ZNF385D: variants seen among roughly 807,000 people sequenced by gnomAD.
The protein encoded by ZNF385D is zinc finger protein 659.
Under a neutral mutation model 35.8 loss-of-function variants are expected in ZNF385D, and 15 were observed. The ratio of observed to expected loss-of-function variants is 0.42; its 90% confidence interval spans 0.28 to 0.64. The LOEUF is 0.64. ZNF385D is among the 30% of genes least tolerant of loss of function. ZNF385D has a pLI of 0.23. For synonymous variants in ZNF385D, 212 were observed against 186.8 expected, an observed-to-expected ratio of 1.13 and a Z score of -1.10; for missense variants, 474 against 494.6, an observed-to-expected ratio of 0.96 and a Z score of 0.39.
chr3:22,208,191 T>C (rs560214057), intron 2 of ZNF385D, among the ~76,000 whole-genome samples: 1 of 152,066 alleles, frequency 6.6e-6, no homozygotes, highest in East Asian at 1.9e-4. Flanking sequence ...ACAATCTAAG[T>C]GTCCATCAAG....
intron 2 of ZNF385D, among the ~76,000 whole-genome samples, chr3:21,634,231 A>AGGAAGGGAGAGC (rs1390947599): frequency 6.7e-6 from 1 of 150,300 alleles, no homozygotes; most frequent in Non-Finnish European, 1.5e-5. Context: ...AGAGAAAGAG[A>AGGAAGGGAGAGC]GGAAGGGAGA....
intron 2 of ZNF385D, among the ~76,000 whole-genome samples, chr3:21,657,539 A>G: frequency 6.6e-6 from 1 of 151,954 alleles, no homozygotes; most frequent in Admixed American, 6.6e-5. Context: ...AGCTTGTGTT[A>G]TACAAATATG....
chr3:21,993,593 G>A (rs1695280932), intron 3 of ZNF385D, among the ~76,000 whole-genome samples: 1 of 152,028 alleles, frequency 6.6e-6, no homozygotes, highest in African/African-American at 2.4e-5. Flanking sequence ...AGTTGATTAG[G>A]TACTTTGGAA....
At chr3:22,090,893 G>C (rs116103601) in intron 3 of ZNF385D, among the ~76,000 whole-genome samples, 13 of 152,196 alleles carry the variant, frequency 8.5e-5, no homozygotes, top group African/African-American at 2.6e-4. Flanking sequence ...TGCCTTGTTA[G>C]GGTCTTATGA....
At chr3:21,449,934 G>A (rs977120704) in intron 4 of ZNF385D, among the ~76,000 whole-genome samples, 3 of 152,154 alleles carry the variant, frequency 2.0e-5, no homozygotes, top group Admixed American at 6.6e-5. Context: ...GTTGCCAAGC[G>A]GTCAAGATCA....
intron 3 of ZNF385D, among the ~76,000 whole-genome samples, chr3:21,851,884 T>C (rs1198153841): frequency 6.6e-6 from 1 of 151,980 alleles, no homozygotes; most frequent in African/African-American, 2.4e-5. Context: ...ACCTTGGCCT[T>C]TGTCTCCTGG....
chr3:21,721,118 G>A (rs13077624), intron 1 of ZNF385D, among the ~76,000 whole-genome samples: 25,272 of 151,334 alleles, frequency 0.17, 2,539 homozygotes, highest in Admixed American at 0.3. Context: ...ATACTCTTGC[G>A]GTTTATATCC....
intron 3 of ZNF385D, among the ~76,000 whole-genome samples, chr3:21,991,717 C>T (rs1028462253): frequency 6.6e-6 from 1 of 152,284 alleles, no homozygotes; most frequent in African/African-American, 2.4e-5. Context: ...ATCAGGATTG[C>T]TTCATGGTCC....
chr3:21,820,696 G>A (rs1231933253), intron 3 of ZNF385D, among the ~76,000 whole-genome samples: 1 of 151,184 alleles, frequency 6.6e-6, no homozygotes, highest in Non-Finnish European at 1.5e-5. Context: ...GAAAAATAGA[G>A]GGACTGTATA....
chr3:21,779,550 G>T (rs771196417), intron 3 of ZNF385D, among the ~76,000 whole-genome samples: 9 of 151,928 alleles, frequency 5.9e-5, no homozygotes, highest in Non-Finnish European at 1.2e-4. Context: ...AGCACATGGA[G>T]TTTATACAAT....
chr3:22,232,034 T>G (rs1463359483), intron 2 of ZNF385D, among the ~76,000 whole-genome samples: 3 of 152,128 alleles, frequency 2.0e-5, no homozygotes, highest in Non-Finnish European at 4.4e-5. Flanking sequence ...CTATGTTTCC[T>G]GTACAGGCTG....
chr3:21,935,863 G>C (rs1162351207), intron 3 of ZNF385D, among the ~76,000 whole-genome samples: 1 of 152,104 alleles, frequency 6.6e-6, no homozygotes, highest in Non-Finnish European at 1.5e-5. Flanking sequence ...CATCATGTGA[G>C]GTTTTAGAAT....
intron 3 of ZNF385D, among the ~76,000 whole-genome samples, chr3:21,996,960 T>C (rs922489043): frequency 1.3e-5 from 2 of 152,184 alleles, no homozygotes; most frequent in African/African-American, 4.8e-5. Context: ...CAAATATAAA[T>C]ATAAACCAAA....
chr3:22,349,366 A>C (rs577870470), intron 2 of ZNF385D, among the ~76,000 whole-genome samples: 53 of 152,308 alleles, frequency 3.5e-4, no homozygotes, highest in African/African-American at 1.3e-3. Context: ...TTGCGTAGGA[A>C]AAATGTGATT....
chr3:21,677,575 A>C (rs950057810), intron 1 of ZNF385D, among the ~76,000 whole-genome samples: 10 of 152,082 alleles, frequency 6.6e-5, no homozygotes, highest in Non-Finnish European at 8.8e-5. Context: ...GCACAGGCCT[A>C]AATAAATTTC....
chr3:21,907,472 C>T (rs573981452), intron 3 of ZNF385D, among the ~76,000 whole-genome samples: 1 of 152,194 alleles, frequency 6.6e-6, no homozygotes, highest in South Asian at 2.1e-4. Flanking sequence ...CCACTGTGCA[C>T]ATGACCAATG....
Position 21,419,755 on chromosome 3 carries a change from C to T in ZNF385D, c.*1459G>A, listed in dbSNP as rs1700659676. 6.6e-6 allele frequency: 1 copy of T among 151,882 alleles called. No individual in the cohort carries two copies. The highest frequency in any genetic ancestry group is 2.4e-5 in the African/African-American group (1 of 41,380). The allele number at this position is 151,882 out of a possible 1,614,324, so 9.4% of individuals were successfully genotyped here. On this transcript the variant is annotated 3_prime_UTR_variant, in exon 8 of 8. Transcript: ENST00000281523. ...ACAGCTATTTTTATGCCATTTGTTA[C>T]CAATTTAATGATAACATGTAACACT... is the stretch of plus-strand genomic sequence containing the variant.
intron 4 of ZNF385D, among the ~76,000 whole-genome samples, chr3:21,501,986 C>T (rs1306172617): frequency 2.0e-5 from 3 of 152,174 alleles, no homozygotes; most frequent in African/African-American, 7.2e-5. Flanking sequence ...GTCAAAAACA[C>T]ACTGTATACA....
In ZNF385D at chr3:21,417,788, C is replaced by T. The variant is rs949861375; in HGVS notation, c.*3426G>A. ...TAAATACTCCTTTGCTAACTAGTTT[C>T]TTGGCAACAAAATATGTAGCACCTT... On this transcript the variant is annotated 3_prime_UTR_variant, in exon 8 of 8. Coordinates refer to ENST00000281523, the MANE Select transcript of ZNF385D (RefSeq NM_024697.3). 3.9e-5 allele frequency: 6 copies of T among 152,084 alleles called. No individual in the cohort carries two copies. In the East Asian group the frequency reaches 1.2e-3, roughly 29 times the overall value. The allele number at this position is 152,084 out of a possible 1,614,324, so 9.4% of individuals were successfully genotyped here.
Sources: allele counts gnomAD v4.1 joint callset (sites outside exome capture counted in the v4.1 genomes callset), GRCh38; gene constraint gnomAD v4.1.1; transcripts MANE v1.5; gene names NCBI Gene and HGNC (gene_info 2026-07-23, HGNC 2026-07-21).